The following ANKMY1 variants were observed in gnomAD, a reference collection of about 807,000 sequenced individuals.
ANKMY1 encodes ankyrin repeat and MYND domain-containing protein 1.
ANKMY1 carries 98 observed loss-of-function variants against 102.0 expected under a neutral mutation model. The observed-to-expected ratio is 0.96, with a 90% CI of 0.82 to 1.14. The LOEUF (loss-of-function observed/expected upper bound fraction) is 1.14. Ranked by LOEUF, ANKMY1 falls within the 50% of genes most tolerant of loss-of-function variation. The pLI, the probability that ANKMY1 is intolerant of heterozygous loss-of-function variation, is 0.00. For missense variants in ANKMY1, 1,330 were observed against 1,347.6 expected, an observed-to-expected ratio of 0.99 and a Z score of 0.20; for synonymous variants, 582 against 559.9, an observed-to-expected ratio of 1.04 and a Z score of -0.56.
chr2:240,527,674 G>A (rs1301043042), intron 5 of ANKMY1: 1 of 151,206 alleles, frequency 6.6e-6, no homozygotes, highest in Non-Finnish European at 1.5e-5. Flanking sequence ...AAATGGGTAG[G>A]TGGGTAGGTA....
chr2:240,498,360 G>A (rs2077557881), intron 15 of ANKMY1, among the ~76,000 whole-genome samples: 1 of 151,826 alleles, frequency 6.6e-6, no homozygotes, highest in Admixed American at 6.6e-5. Flanking sequence ...AGGTGGGTGT[G>A]GGGTGTCCGT....
intron 15 of ANKMY1, among the ~76,000 whole-genome samples, chr2:240,487,463 T>TTGATATAC (rs2076180151): frequency 2.0e-5 from 3 of 152,236 alleles, no homozygotes; most frequent in African/African-American, 7.2e-5. Context: ...AGATACTCCT[T>TTGATATAC]TGATATACTG....
the ANKMY1 span, among the ~76,000 whole-genome samples, chr2:240,472,295 A>AC: frequency 3.3e-5 from 5 of 150,318 alleles, no homozygotes; most frequent in African/African-American, 9.8e-5. Flanking sequence ...CTACCAATCT[A>AC]CAACTGCACA....
chr2:240,472,708 C>A, the ANKMY1 span, among the ~76,000 whole-genome samples: 1 of 13,774 alleles, frequency 7.3e-5, no homozygotes, highest in African/African-American at 2.1e-3. Flanking sequence ...CTGGAGGCAA[C>A]CCTTCAGAGA....
intron 4 of ANKMY1, chr2:240,552,680 TAAATC>T (rs1314100371): frequency 1.7e-6 from 1 of 581,250 alleles, no homozygotes; most frequent in East Asian, 3.2e-5. Flanking sequence ...GTGCGTTTCT[TAAATC>T]TAAAGGACAT....
intron 4 of ANKMY1, among the ~76,000 whole-genome samples, chr2:240,543,358 A>T (rs2089499200): frequency 6.6e-6 from 1 of 151,958 alleles, no homozygotes; most frequent in Non-Finnish European, 1.5e-5. Flanking sequence ...TTCTCAAAAA[A>T]AAAAAAAAAT....
intron 12 of ANKMY1, 77 bp from the exon 13 acceptor site, chr2:240,507,768 C>T: frequency 6.7e-7 from 1 of 1,498,488 alleles, no homozygotes; most frequent in Non-Finnish European, 8.9e-7. Context: ...CAGGGCTGGG[C>T]CACTCCAGAA....
chr2:240,521,438 T>C (rs1462617681), intron 8 of ANKMY1, among the ~76,000 whole-genome samples: 2 of 151,112 alleles, frequency 1.3e-5, no homozygotes, highest in African/African-American at 4.8e-5. Flanking sequence ...TTCTGGTGGG[T>C]TGTTGGTCTC....
At chr2:240,505,427 A>G (rs965588170) in intron 13 of ANKMY1, among the ~76,000 whole-genome samples, 1 of 151,730 alleles carries the variant, frequency 6.6e-6, no homozygotes, top group African/African-American at 2.4e-5. Flanking sequence ...ACACCTCTGC[A>G]CTCCAGCCTG....
intron 4 of ANKMY1, among the ~76,000 whole-genome samples, chr2:240,552,119 G>T (rs1276147987): frequency 6.6e-6 from 1 of 152,082 alleles, no homozygotes; most frequent in Admixed American, 6.5e-5. Context: ...TTAGTCAGGG[G>T]GATGGATTTG....
chr2:240,517,475 T>A (rs560425312), intron 9 of ANKMY1, among the ~76,000 whole-genome samples: 2 of 152,218 alleles, frequency 1.3e-5, no homozygotes, highest in South Asian at 4.2e-4. Context: ...AGATTCCTTG[T>A]GAAATATTCC....
Position 240,509,363 on chromosome 2 carries a change from G to A in ANKMY1, c.2379C>T (p.Ala793=), listed in dbSNP as rs779594668. The change falls in exon 12 of 18, where the codon GCC becomes GCT. Residue 793 remains alanine, a synonymous_variant. Transcript: ENST00000401804. ...ACATGCTCACCAGCTCATTCCCACTGGCAATGGACAGGGAGAGCGGGGAGT... is the reference window on the plus strand; with the variant it reads ...ACATGCTCACCAGCTCATTCCCACTAGCAATGGACAGGGAGAGCGGGGAGT... The part of the protein sequence containing the change: ...SGHSPLSLSI[A]SGNELVVKEL... 2 of 1,613,404 alleles carry A rather than the reference G, an allele frequency of 1.2e-6. No homozygotes were observed. The highest frequency in any genetic ancestry group is 1.7e-6 in the Non-Finnish European group (2 of 1,179,588).
chr2:240,490,181 T>A (rs1182210997), intron 15 of ANKMY1, among the ~76,000 whole-genome samples: 1 of 152,164 alleles, frequency 6.6e-6, no homozygotes, highest in Non-Finnish European at 1.5e-5. Flanking sequence ...TCTTGGTTAG[T>A]CTAGCTACCA....
chr2:240,493,936 G>T (rs547427619), intron 15 of ANKMY1, among the ~76,000 whole-genome samples: 28 of 152,294 alleles, frequency 1.8e-4, no homozygotes, highest in African/African-American at 6.7e-4. Flanking sequence ...AATACCAATG[G>T]CATGAAAATT....
intron 15 of ANKMY1, among the ~76,000 whole-genome samples, chr2:240,489,972 T>A (rs2076455970): frequency 6.6e-6 from 1 of 152,210 alleles, no homozygotes; most frequent in Admixed American, 6.5e-5. Context: ...TTTCTAGTTA[T>A]TCCCCATTCA....
At chr2:240,547,317 G>C (rs2090586460) in intron 4 of ANKMY1, among the ~76,000 whole-genome samples, 1 of 152,058 alleles carries the variant, frequency 6.6e-6, no homozygotes, top group South Asian at 2.1e-4. Flanking sequence ...AAACCAACGA[G>C]AACAAAGACA....
intron 15 of ANKMY1, among the ~76,000 whole-genome samples, chr2:240,495,790 A>G (rs1286664053): frequency 6.6e-6 from 1 of 151,632 alleles, no homozygotes; most frequent in Non-Finnish European, 1.5e-5. Flanking sequence ...GGGGAGAAAA[A>G]CTCACAGACC....
intron 4 of ANKMY1, among the ~76,000 whole-genome samples, chr2:240,550,991 G>A (rs975081193): frequency 6.6e-6 from 1 of 152,160 alleles, no homozygotes; most frequent in Non-Finnish European, 1.5e-5. Context: ...TTGAATTCAG[G>A]TGTCTGATAA....
chr2:240,485,753 CT>C (rs2075984583), intron 15 of ANKMY1, among the ~76,000 whole-genome samples: 1 of 151,950 alleles, frequency 6.6e-6, no homozygotes, highest in Non-Finnish European at 1.5e-5. Context: ...CCACGTGGGG[CT>C]CATTTTAAAA....
Sources: allele counts gnomAD v4.1 joint callset (sites outside exome capture counted in the v4.1 genomes callset), GRCh38; gene constraint gnomAD v4.1.1; transcripts MANE v1.5; gene names NCBI Gene and HGNC (gene_info 2026-07-23, HGNC 2026-07-21).